The following CCDC186 variants were observed in gnomAD, a reference collection of about 807,000 sequenced individuals.
The protein encoded by CCDC186 is coiled-coil domain containing 186, also known as coiled-coil domain-containing protein 186.
In CCDC186, 49 loss-of-function variants were observed where a neutral mutation model predicts 113.7. The observed-to-expected ratio is 0.43, with a 90% CI of 0.34 to 0.55. The LOEUF is 0.55. CCDC186 is among the 20% of genes least tolerant of loss of function. The pLI, the probability that CCDC186 is intolerant of heterozygous loss-of-function variation, is 0.02. For missense variants in CCDC186, 890 were observed against 1,011.1 expected, an observed-to-expected ratio of 0.88 and a Z score of 1.62; for synonymous variants, 355 against 345.8, an observed-to-expected ratio of 1.03 and a Z score of -0.30.
intron 1 of CCDC186, among the ~76,000 whole-genome samples, chr10:114,170,833 A>G (rs1461228385): frequency 6.6e-6 from 1 of 152,146 alleles, no homozygotes; most frequent in Non-Finnish European, 1.5e-5. Context: ...GTTTAAAAAA[A>G]AAGACTTGAG....
intron 6 of CCDC186, among the ~76,000 whole-genome samples, chr10:114,138,043 A>G (rs1347754577): frequency 1.4e-4 from 1 of 7,326 alleles, no homozygotes; most frequent in East Asian, 6.0e-3. Flanking sequence ...GTCTCAAAAA[A>G]AAAAAAAAAA....
At chr10:114,145,345 T>C (rs2031601975) in intron 5 of CCDC186, among the ~76,000 whole-genome samples, 1 of 152,152 alleles carries the variant, frequency 6.6e-6, no homozygotes, top group Admixed American at 6.5e-5. Context: ...ACTTATTTTT[T>C]CCCTAGCAAA....
chr10:114,136,123 A>C (rs2031252517), intron 8 of CCDC186, 25 bp downstream of exon 8: 2 of 1,579,270 alleles, frequency 1.3e-6, no homozygotes, highest in Non-Finnish European at 1.7e-6. Flanking sequence ...GCAACTTAGG[A>C]TATATAAAGA....
At chr10:114,171,943 C>G (rs1277210645) in intron 1 of CCDC186, among the ~76,000 whole-genome samples, 1 of 152,068 alleles carries the variant, frequency 6.6e-6, no homozygotes, top group Non-Finnish European at 1.5e-5. Context: ...TTTTAAATCT[C>G]AGTAGCTAAG....
chr10:114,140,383 A>G (rs1293513419), intron 6 of CCDC186, among the ~76,000 whole-genome samples: 6 of 152,230 alleles, frequency 3.9e-5, no homozygotes, highest in Non-Finnish European at 8.8e-5. Context: ...TTTTGGCCTG[A>G]GCAATGAGAT....
At chr10:114,153,294 CAGAA>C (rs1160036925) in intron 3 of CCDC186, among the ~76,000 whole-genome samples, 1 of 151,958 alleles carries the variant, frequency 6.6e-6, no homozygotes, top group East Asian at 1.9e-4. Flanking sequence ...ACCTCAGTAA[CAGAA>C]AGAAATATGG....
intron 3 of CCDC186, among the ~76,000 whole-genome samples, chr10:114,155,425 A>G (rs1244207258): frequency 6.6e-6 from 1 of 152,220 alleles, no homozygotes; most frequent in African/African-American, 2.4e-5. Flanking sequence ...CTGTAATCCC[A>G]GCACTTTGAG....
chr10:114,170,471 C>T (rs1442966104), intron 1 of CCDC186, among the ~76,000 whole-genome samples: 1 of 152,116 alleles, frequency 6.6e-6, no homozygotes, highest in Non-Finnish European at 1.5e-5. Context: ...CAGGTACATG[C>T]CGCCAAACCC....
At chr10:114,131,554 T>C (rs1348112906) in intron 11 of CCDC186, among the ~76,000 whole-genome samples, 2 of 152,156 alleles carry the variant, frequency 1.3e-5, no homozygotes, top group Non-Finnish European at 2.9e-5. Context: ...CCAAGCAACA[T>C]GTGATACAGG....
intron 4 of CCDC186, among the ~76,000 whole-genome samples, chr10:114,150,242 G>C (rs1311005748): frequency 6.6e-6 from 1 of 152,090 alleles, no homozygotes; most frequent in Non-Finnish European, 1.5e-5. Context: ...TAGGTTTTGT[G>C]GATACAGAAA....
intron 4 of CCDC186, among the ~76,000 whole-genome samples, 193 bp from the exon 5 acceptor site, chr10:114,145,954 T>C (rs988044767): frequency 6.6e-6 from 1 of 152,234 alleles, no homozygotes; most frequent in Non-Finnish European, 1.5e-5. Context: ...ACAATATCCC[T>C]AGCATTTGCC....
At chr10:114,149,602 GGGAAGGGAA>G (rs2031759713) in intron 4 of CCDC186, among the ~76,000 whole-genome samples, 1 of 34,228 alleles carries the variant, frequency 2.9e-5, no homozygotes, top group African/African-American at 1.4e-4. Flanking sequence ...GGGAAGGGAA[GGGAAGGGAA>G]GGGAAGGGAA....
chr10:114,166,011 A>G (rs2032327206), intron 1 of CCDC186: 1 of 853,000 alleles, frequency 1.2e-6, no homozygotes, highest in Non-Finnish European at 1.4e-6. Context: ...TTCTGGAATA[A>G]GTTTTTTGTA....
rs539650801 is a variant in CCDC186 at position 114,174,062 on chromosome 10, T to C, written c.-109A>G. The C allele has an allele frequency of 4.2e-6, 2 of 472,104 alleles. No individual in the cohort carries two copies. Among genetic ancestry groups the C allele is most frequent in the African/African-American group, 4.0e-5 (2 of 50,218 alleles). The allele number at this position is 472,104 out of a possible 1,614,324, so 29.2% of individuals were successfully genotyped here. ...CACGCCCTAACAAGGCTGCTGGAGC[T>C]CTGGCTCAGGGGCCAACTTTTCCAT... On this transcript the variant is annotated 5_prime_UTR_variant, in exon 1 of 16. Transcript: ENST00000369287.
chr10:114,156,577 TTGGCTGGG>T (rs1740648597), intron 3 of CCDC186, among the ~76,000 whole-genome samples: 3 of 152,112 alleles, frequency 2.0e-5, no homozygotes, highest in Admixed American at 2.0e-4. Context: ...AATACAAAAA[TTGGCTGGG>T]TGTGGTTGGT....
rs1273785879 is a variant in CCDC186 at position 114,174,070 on chromosome 10, A to G, written c.-117T>C. On this transcript the variant is annotated 5_prime_UTR_variant, in exon 1 of 16. It removes the in-frame stop codon of an upstream open reading frame in the 5' UTR. Coordinates refer to ENST00000369287, the MANE Select transcript of CCDC186 (RefSeq NM_018017.4). ...AACAAGGCTGCTGGAGCTCTGGCTC[A>G]GGGGCCAACTTTTCCATAGCGGGGT... 1 of 472,178 alleles carries G rather than the reference A, an allele frequency of 2.1e-6. No individual in the cohort carries two copies. Among genetic ancestry groups the G allele is most frequent in the Admixed American group, 2.3e-5 (1 of 42,596 alleles). The allele number at this position is 472,178 out of a possible 1,614,324, so 29.2% of individuals were successfully genotyped here.
chr10:114,150,282 A>C (rs2031806187), intron 4 of CCDC186, among the ~76,000 whole-genome samples: 1 of 152,252 alleles, frequency 6.6e-6, no homozygotes, highest in African/African-American at 2.4e-5. Flanking sequence ...ATCCATAAAG[A>C]GTTCAGGCAA....
At chr10:114,129,864 T>C in intron 13 of CCDC186, 27 bp downstream of exon 13, 2 of 1,601,896 alleles carry the variant, frequency 1.2e-6, no homozygotes, top group Non-Finnish European at 1.7e-6. Context: ...AATCATGAAA[T>C]AACAACTAGA....
At chr10:114,145,406 T>C in intron 5 of CCDC186, 143 bp downstream of exon 5, 2 of 702,110 alleles carry the variant, frequency 2.8e-6, no homozygotes, top group Non-Finnish European at 4.3e-6. Flanking sequence ...AAAAAATTCA[T>C]GGTTTTAGAA....
Sources: allele counts gnomAD v4.1 joint callset (sites outside exome capture counted in the v4.1 genomes callset), GRCh38; gene constraint gnomAD v4.1.1; transcripts MANE v1.5; gene names NCBI Gene and HGNC (gene_info 2026-07-23, HGNC 2026-07-21).